Variants in MUCL3 observed in about 807,000 individuals in gnomAD.
MUCL3 encodes the protein mucin-like protein 3.
A neutral mutation model predicts 70.2 loss-of-function variants in MUCL3; 42 were observed. The observed-to-expected ratio is 0.60, with a 90% CI of 0.47 to 0.77. The LOEUF (loss-of-function observed/expected upper bound fraction) is 0.77. MUCL3 is among the 30% of genes least tolerant of loss of function. MUCL3 has a pLI of 0.00. For synonymous variants in MUCL3, 522 were observed against 647.0 expected (o/e 0.81, Z 2.93); for missense variants, 1,429 against 1,670.0 (o/e 0.86, Z 2.52).
Position 30,950,210 on chromosome 6 carries a change from A to C in MUCL3, c.1746A>C (p.Glu582Asp). ...CGCCATCTCTAGCAGAGCCTACAGAAAATGGACAAAGGACCCCATTTGCCA... is the reference window on the plus strand; with the variant it reads ...CGCCATCTCTAGCAGAGCCTACAGACAATGGACAAAGGACCCCATTTGCCA... The part of the protein sequence containing the change: ...KTTPSLAEPT[E>D]NGQRTPFANE... Residue 582 changes from glutamate to aspartate, a missense_variant, in exon 2 of 3, where the codon GAA (glutamate) becomes GAC (aspartate). Transcript: ENST00000462446. 1 of 1,551,112 alleles carries C rather than the reference A, an allele frequency of 6.4e-7. No individual in the cohort carries two copies.
At chr6:30,944,786 C>T (rs755610636) in intron 1 of MUCL3, among the ~76,000 whole-genome samples, 2 of 152,316 alleles carry the variant, frequency 1.3e-5, no homozygotes, top group Non-Finnish European at 2.9e-5. Context: ...GATGGTTGTA[C>T]GTGGAATGAA....
At position 30,951,813 on chromosome 6, in the gene MUCL3, A is replaced by G. The variant is rs1201595233; in HGVS notation, c.3349A>G (p.Lys1117Glu). The change falls in exon 2 of 3, where the codon AAG (lysine) becomes GAG (glutamate). Residue 1117 changes from lysine to glutamate, a missense_variant. Physicochemically the swap from Lys to Glu is moderately conservative, Grantham distance 56. Coordinates refer to ENST00000462446, the MANE Select transcript of MUCL3 (RefSeq NM_080870.4). ...HGERTTSPNDKITSSAAESTE... is the reference protein window; with the variant it reads ...HGERTTSPNDEITSSAAESTE... The stretch of plus-strand genomic sequence containing the variant: ...AGAAAGGACCACATCACCCAATGAC[A>G]AGATCACCTCATCTGCAGCAGAGTC... 1 of 1,572,640 alleles carries G rather than the reference A, an allele frequency of 6.4e-7. No individual in the cohort carries two copies. The highest frequency in any genetic ancestry group is 8.6e-7 in the Non-Finnish European group (1 of 1,160,188).
Position 30,951,737 on chromosome 6 carries a change from G to A in MUCL3, c.3273G>A (p.Thr1091=), listed in dbSNP as rs1302132381. 2.1e-5 allele frequency: 32 copies of A among 1,551,058 alleles called. No individual in the cohort carries two copies. Among genetic ancestry groups the A allele is most frequent in the East Asian group, 7.3e-5 (3 of 40,846 alleles). Residue 1091 remains threonine, a synonymous_variant, in exon 2 of 3, where the codon ACG becomes ACA. Transcript: ENST00000462446. ...CTACAGAACATGGAGCAAAAACTAC[G>A]TCGGCCAATGAGAAGATCACACCAT... ...EGPTEHGAKT[T]SANEKITPSL...
Position 30,953,127 on chromosome 6 carries a change from A to G in MUCL3, c.*10A>G. ...CCCTTCCCCACGGTGATCTTGGAGTAGGCGCCCAGCCCTGGCTCTTCCATG... is the reference window on the plus strand; with the variant it reads ...CCCTTCCCCACGGTGATCTTGGAGTGGGCGCCCAGCCCTGGCTCTTCCATG... On this transcript the variant is annotated 3_prime_UTR_variant, in exon 3 of 3. Transcript: ENST00000462446. The G allele has an allele frequency of 6.2e-7, 1 of 1,613,600 alleles. No homozygotes were observed.
chr6:30,953,263 A>C lies in MUCL3; in HGVS notation c.*146A>C. Reference sequence around the variant, plus strand: ...AGTATTAACCCTTCATCTGTTCTTGAAACTGGTTGGGGAATGAGGTGATAA... The same window carrying C: ...AGTATTAACCCTTCATCTGTTCTTGCAACTGGTTGGGGAATGAGGTGATAA... On this transcript the variant is annotated 3_prime_UTR_variant, in exon 3 of 3. Transcript: ENST00000462446. 2 of 1,273,414 alleles carry C rather than the reference A, an allele frequency of 1.6e-6. No homozygotes were observed. Among genetic ancestry groups the C allele is most frequent in the Non-Finnish European group, 2.1e-6 (2 of 951,638 alleles). 78.9% of individuals were successfully genotyped at this position (1,273,414 alleles called of 1,614,324 possible). A position where few individuals can be genotyped will look rare whatever the true frequency, so the allele number is the denominator to read the frequency against.
In MUCL3 at chr6:30,947,441, T is replaced by A. The variant is rs192828725; in HGVS notation, c.83-1106T>A. Among the ~76,000 whole-genome samples the A allele has an allele frequency of 1.2e-3, 177 of 152,254 alleles. 1 individual carries two copies. The highest frequency in any genetic ancestry group is 3.4e-3 in the Middle Eastern group (1 of 294). Reference sequence around the variant, plus strand: ...GATTGGGAATAGGTCCAGGTTCCGGTTGCCGCCTTGAGCTAACAGGGACCA... The same window carrying A: ...GATTGGGAATAGGTCCAGGTTCCGGATGCCGCCTTGAGCTAACAGGGACCA... On this transcript the variant is annotated intron_variant, in intron 1 of 2. Transcript: ENST00000462446.
intron 1 of MUCL3, among the ~76,000 whole-genome samples, chr6:30,941,910 G>C (rs565007999): frequency 6.6e-6 from 1 of 152,236 alleles, no homozygotes; most frequent in East Asian, 1.9e-4. Flanking sequence ...CCCCAGCCCT[G>C]GGGGGACAGG....
At chr6:30,941,751 C>T (rs9468850) in intron 1 of MUCL3, among the ~76,000 whole-genome samples, 15,106 of 152,106 alleles carry the variant, frequency 0.099, 1,229 homozygotes, top group East Asian at 0.26. Flanking sequence ...TGAGAGCCAC[C>T]GTGCCCAGAG....
chr6:30,952,069 C>A lies in MUCL3; in HGVS notation c.3605C>A (p.Thr1202Lys), dbSNP rs73430198. The change falls in exon 2 of 3, where the codon ACA (threonine) becomes AAA (lysine). Residue 1202 changes from threonine (T) to lysine (K), a missense_variant. Physicochemically the swap from Thr to Lys is moderately conservative, Grantham distance 78. Transcript: ENST00000462446. The part of the protein sequence containing the change: ...EKTICTKGKN[T>K]PVPEKPTENL... ...ACCATATGCACCAAAGGGAAAAACACACCAGTCCCAGAAAAGCCTACAGAA... is the reference window on the plus strand; with the variant it reads ...ACCATATGCACCAAAGGGAAAAACAAACCAGTCCCAGAAAAGCCTACAGAA... 5.8e-4 allele frequency: 935 copies of A among 1,608,142 alleles called. 4 individuals carry two copies. In the African/African-American group the frequency reaches 0.01, roughly 18 times the overall value.
Position 30,952,997 on chromosome 6 carries a change from CACACTA to C in MUCL3, c.4065_4070del (p.Leu1356_Thr1357del). On this transcript the variant is annotated inframe_deletion, in exon 3 of 3. Transcript: ENST00000462446. ...TCTCCTATATGATGCGGACACGCCGCACACTAACCCAGAACACCCAGTACAATGATG... is the reference window on the plus strand; with the variant it reads ...TCTCCTATATGATGCGGACACGCCGCACCCAGAACACCCAGTACAATGATG... The C allele has an allele frequency of 6.2e-7, 1 of 1,614,246 alleles. No homozygotes were observed. The highest frequency in any genetic ancestry group is 8.5e-7 in the Non-Finnish European group (1 of 1,180,040).
rs762167491 is a variant in MUCL3 at position 30,953,050 on chromosome 6, A to G, written c.4115A>G (p.Asn1372Ser). The G allele has an allele frequency of 1.9e-6, 3 of 1,614,246 alleles. No homozygotes were observed. Among genetic ancestry groups the G allele is most frequent in the South Asian group, 1.1e-5 (1 of 91,086 alleles). ...YNDAEDEGGPNSYPVYLMEQQ... is the reference protein window; with the variant it reads ...YNDAEDEGGPSSYPVYLMEQQ... The stretch of plus-strand genomic sequence containing the variant: ...GATGCAGAGGATGAGGGTGGCCCCA[A>G]TTCCTACCCGGTCTACCTGATGGAG... The change falls in exon 3 of 3, where the codon AAT (asparagine) becomes AGT (serine). Residue 1372 changes from asparagine (N) to serine (S), a missense_variant. Asn to Ser is a conservative substitution (Grantham distance 46). Coordinates refer to ENST00000462446, the MANE Select transcript of MUCL3 (RefSeq NM_080870.4).
At chr6:30,952,881 A>C in intron 2 of MUCL3, 90 bp from the exon 3 acceptor site, 2 of 1,501,180 alleles carry the variant, frequency 1.3e-6, no homozygotes, top group South Asian at 2.6e-5. Flanking sequence ...TTTGGATGGA[A>C]TCTTGAGAAT....
In MUCL3 at chr6:30,952,970, G is replaced by C. The variant is rs1472284107; in HGVS notation, c.4036-1G>C. Reference sequence around the variant, plus strand: ...TTCCTCCTTTCTCATCCCAATCACAGGTCTCCTATATGATGCGGACACGCC... The same window carrying C: ...TTCCTCCTTTCTCATCCCAATCACACGTCTCCTATATGATGCGGACACGCC... On this transcript the variant is annotated splice_acceptor_variant, in intron 2 of 2. Transcript: ENST00000462446. LOFTEE classifies it high-confidence loss of function. The C allele has an allele frequency of 6.2e-7, 1 of 1,613,654 alleles. No individual in the cohort carries two copies. Among genetic ancestry groups the C allele is most frequent in the African/African-American group, 1.3e-5 (1 of 74,942 alleles).
In MUCL3 at chr6:30,953,370, G is replaced by A. The variant is rs961926396; in HGVS notation, c.*253G>A. ...CATTCTCTGTAGAAGGTAATGGTCT[G>A]AGAATGAAAAGGTGTTTGATGGACA... On this transcript the variant is annotated 3_prime_UTR_variant, in exon 3 of 3. Coordinates refer to ENST00000462446, the MANE Select transcript of MUCL3 (RefSeq NM_080870.4). 5.2e-6 allele frequency: 3 copies of A among 581,842 alleles called. No individual in the cohort carries two copies. In the African/African-American group the frequency reaches 5.6e-5, roughly 11 times the overall value. 36.0% of individuals were successfully genotyped at this position (581,842 alleles called of 1,614,324 possible).
At chr6:30,944,378 T>G (rs1300557578) in intron 1 of MUCL3, among the ~76,000 whole-genome samples, 2 of 152,048 alleles carry the variant, frequency 1.3e-5, no homozygotes, top group Non-Finnish European at 2.9e-5. Flanking sequence ...GCCTCCCAGG[T>G]TCAACTGATT....
rs1158421056 is a variant in MUCL3, at chr6:30,950,521, C to T, written c.2057C>T (p.Thr686Ile). 3 of 1,549,464 alleles carry T rather than the reference C, an allele frequency of 1.9e-6. No individual in the cohort carries two copies. The highest frequency in any genetic ancestry group is 2.5e-5 in the East Asian group (1 of 40,732). ...PAEPTENGQR[T>I]PFANEKTTSS... ...GAGCCTACAGAAAATGGACAAAGGA[C>T]CCCATTTGCCAATGAGAAAACCACA... The change falls in exon 2 of 3, where the codon ACC becomes ATC. Residue 686 changes from threonine to isoleucine, a missense_variant. Physicochemically the swap from Thr to Ile is moderately conservative, Grantham distance 89. Coordinates refer to ENST00000462446, the MANE Select transcript of MUCL3 (RefSeq NM_080870.4).
Position 30,940,977 on chromosome 6 carries a change from C to T in MUCL3, c.-23C>T. 1 of 1,547,474 alleles carries T rather than the reference C, an allele frequency of 6.5e-7. No individual in the cohort carries two copies. The highest frequency in any genetic ancestry group is 8.7e-7 in the Non-Finnish European group (1 of 1,146,954). ...GTGAGGGGTCCGCAGCCCATGGTCC[C>T]CAAGCAGCCACCCAGCTCCGACATG... On this transcript the variant is annotated 5_prime_UTR_variant, in exon 1 of 3. Transcript: ENST00000462446. The surrounding 1 kb of genome is among the most constrained non-coding windows in gnomAD (Gnocchi z 4.4).
rs1330810507 is a variant in MUCL3, at chr6:30,951,453, T to TC, written c.2993dup (p.Thr999AsnfsTer13). Reference sequence around the variant, plus strand: ...ACTGGCCAATGAGAACACCACAACATCCCCAACAGAGTCTACAGAACATGG... The same window carrying TC: ...ACTGGCCAATGAGAACACCACAACATCCCCCAACAGAGTCTACAGAACATGG... On this transcript the variant is annotated frameshift_variant, in exon 2 of 3. Transcript: ENST00000462446. LOFTEE classifies it high-confidence loss of function. 6.5e-7 allele frequency: 1 copy of TC among 1,543,956 alleles called. No individual in the cohort carries two copies. The highest frequency in any genetic ancestry group is 8.7e-7 in the Non-Finnish European group (1 of 1,145,984).
chr6:30,951,279 C>G lies in MUCL3; in HGVS notation c.2815C>G (p.Arg939Gly). The part of the protein sequence containing the change: ...PLANEITTPS[R>G]AEPTEHGERI... ...GGCCAATGAGATCACCACACCATCC[C>G]GAGCAGAGCCTACAGAACATGGAGA... The change falls in exon 2 of 3, where the codon CGA becomes GGA. Residue 939 changes from arginine to glycine, a missense_variant. Transcript: ENST00000462446. 1 of 1,550,674 alleles carries G rather than the reference C, an allele frequency of 6.4e-7. No homozygotes were observed. Among genetic ancestry groups the G allele is most frequent in the Non-Finnish European group, 8.7e-7 (1 of 1,146,768 alleles).
Sources: gnomAD v4.1 joint callset for allele counts (sites outside exome capture counted in the v4.1 genomes callset) on GRCh38, gnomAD v4.1.1 for gene constraint, Gnocchi (gnomAD v3.1) non-coding constraint, MANE v1.5 for transcripts, NCBI Gene and HGNC (gene_info 2026-07-23, HGNC 2026-07-21) for gene names.